Variants in ZNF177 observed in about 807,000 individuals in gnomAD.
ZNF177 encodes zinc finger protein 177.
Under a neutral mutation model 19.4 loss-of-function variants are expected in ZNF177, and 17 were observed. The observed-to-expected ratio is 0.87, with a 90% CI of 0.60 to 1.31. The LOEUF is 1.31. Among genes scored for constraint, ZNF177 ranks in the 40% most tolerant of loss-of-function variants. The pLI, the probability that ZNF177 is intolerant of heterozygous loss-of-function variation, is 0.00. For synonymous variants in ZNF177, 220 were observed against 188.7 expected, an observed-to-expected ratio of 1.17 and a Z score of -1.36; for missense variants, 633 against 561.8, an observed-to-expected ratio of 1.13 and a Z score of -1.28.
upstream of ZNF177, chr19:9,371,786 A>C (rs1271926987): frequency 1.3e-5 from 2 of 152,198 alleles, no homozygotes; most frequent in Non-Finnish European, 2.9e-5. Flanking sequence ...GAAAATTGCT[A>C]GGTTTTCATC....
At chr19:9,366,439 G>A (rs1376110315) in intron 2 of ZNF177, among the ~76,000 whole-genome samples, 1 of 151,956 alleles carries the variant, frequency 6.6e-6, no homozygotes, top group African/African-American at 2.4e-5. Flanking sequence ...TAAATTTTTG[G>A]TAGAGATGAG....
At chr19:9,379,740 A>G (rs746847773) in intron 4 of ZNF177, 121 bp downstream of exon 6, 96 of 1,203,874 alleles carry the variant, frequency 8.0e-5, no homozygotes, top group Non-Finnish European at 1.1e-4. Context: ...CTGTTTCACC[A>G]TCTATTCAAT....
chr19:9,378,208 G>A, intron 1 of ZNF177, 51 bp from the exon 4 acceptor site: 9 of 1,516,058 alleles, frequency 5.9e-6, no homozygotes, highest in Non-Finnish European at 8.0e-6. Flanking sequence ...GCCTGCTAGT[G>A]TTGAACATCT....
chr19:9,377,086 G>C (rs1402829500), intron 1 of ZNF177, among the ~76,000 whole-genome samples: 3 of 152,056 alleles, frequency 2.0e-5, no homozygotes, highest in African/African-American at 7.2e-5. Flanking sequence ...AAGACATTTT[G>C]GTCAGTGATG....
intron 1 of ZNF177, 40 bp downstream of exon 1, chr19:9,363,124 G>T: frequency 6.6e-6 from 1 of 152,572 alleles, no homozygotes; most frequent in Non-Finnish European, 1.5e-5. Context: ...CGGGAGGGAA[G>T]GGGTCAAGGG....
At chr19:9,366,501 C>T (rs2067981842) in intron 2 of ZNF177, among the ~76,000 whole-genome samples, 1 of 152,080 alleles carries the variant, frequency 6.6e-6, no homozygotes, top group African/African-American at 2.4e-5. Context: ...TGTGATCCAC[C>T]CACTACAGCC....
At chr19:9,379,170 A>T in intron 3 of ZNF177, 82 bp downstream of exon 5, 1 of 1,489,672 alleles carries the variant, frequency 6.7e-7, no homozygotes, top group South Asian at 1.4e-5. Context: ...CTGTGGAAAG[A>T]ATAGCAATAC....
At chr19:9,376,127 G>A (rs2068106561), upstream of ZNF177, among the ~76,000 whole-genome samples, 1 of 152,014 alleles carries the variant, frequency 6.6e-6, no homozygotes, top group South Asian at 2.1e-4. Context: ...TTTGACTAGA[G>A]AACTTAATCC....
In ZNF177 at chr19:9,381,129, T is replaced by G. The variant is rs377062558; in HGVS notation, c.798T>G (p.Thr266=). Residue 266 remains threonine (T), a synonymous_variant, in exon 6 of 6, where the codon ACT becomes ACG. Coordinates refer to ENST00000589262, the Ensembl canonical transcript of ZNF177. ...GTAATGAACATGAGAAAACTTTCAC[T>G]GACCCTTTGTCCCTTCAGAACTGTG... 3.1e-6 allele frequency: 5 copies of G among 1,614,088 alleles called. No individual in the cohort carries two copies. In the East Asian group the frequency reaches 1.1e-4, roughly 36 times the overall value.
upstream of ZNF177, among the ~76,000 whole-genome samples, chr19:9,371,984 C>T (rs1053140256): frequency 1.3e-5 from 2 of 151,996 alleles, no homozygotes; most frequent in African/African-American, 4.8e-5. Context: ...GGGTAATATC[C>T]AAAGTGTTAT....
In ZNF177 at chr19:9,381,366, T is replaced by TG. The variant is rs752021555; in HGVS notation, c.1038dup (p.Lys347GlufsTer23). The stretch of plus-strand genomic sequence containing the variant: ...AGAAACCCTATGACTGTAAGGAATG[T>TG]GGGAAGGCTTTCACTGTTCCTTCAT... On this transcript the variant is annotated frameshift_variant, in exon 6 of 6. Coordinates refer to ENST00000589262, the Ensembl canonical transcript of ZNF177. LOFTEE classifies it low-confidence loss of function (END_TRUNC). 3 of 1,614,002 alleles carry TG rather than the reference T, an allele frequency of 1.9e-6. No homozygotes were observed. The highest frequency in any genetic ancestry group is 2.5e-6 in the Non-Finnish European group (3 of 1,179,982).
At position 9,378,958 on chromosome 19, in the gene ZNF177, T is replaced by C; in HGVS notation, c.34-4T>C. ...TGAGCCAGAATATGTATGTGATGTT[T>C]TAGAACTCAGTAACCTTCCAGGAAG... On this transcript the variant is annotated splice_region_variant and splice_polypyrimidine_tract_variant and intron_variant, in intron 2 of 5. Transcript: ENST00000589262. 6.2e-7 allele frequency: 1 copy of C among 1,604,454 alleles called. No individual in the cohort carries two copies. The highest frequency in any genetic ancestry group is 8.5e-7 in the Non-Finnish European group (1 of 1,173,842).
chr19:9,373,941 T>C (rs558865448), upstream of ZNF177, among the ~76,000 whole-genome samples: 1 of 152,284 alleles, frequency 6.6e-6, no homozygotes, highest in South Asian at 2.1e-4. Flanking sequence ...TTTTTGCCTT[T>C]CTTGCCTGTG....
chr19:9,374,668 AGTTT>A (rs1192309336), upstream of ZNF177, among the ~76,000 whole-genome samples: 4 of 150,278 alleles, frequency 2.7e-5, no homozygotes, highest in Admixed American at 1.3e-4. Context: ...TTTTTTAGAT[AGTTT>A]GTTAGAAATA....
intron 2 of ZNF177, among the ~76,000 whole-genome samples, chr19:9,367,365 G>A (rs528524992): frequency 2.4e-4 from 37 of 152,180 alleles, no homozygotes; most frequent in Non-Finnish European, 4.3e-4. Context: ...AATTCAGCCC[G>A]AAAGTTTTCA....
At position 9,380,805 on chromosome 19, in the gene ZNF177, C is replaced by T. The variant is rs569820435; in HGVS notation, c.474C>T (p.Asn158=). 9.1e-6 allele frequency: 14 copies of T among 1,536,082 alleles called. No homozygotes were observed. The Admixed American group carries it at 2.5e-4, about 28-fold the overall frequency. Reference sequence around the variant, plus strand: ...ATATAAAGTATAGCAAAGTCTTCAACCATCCCTCAACTCTTAGGAGTCATG... The same window carrying T: ...ATATAAAGTATAGCAAAGTCTTCAATCATCCCTCAACTCTTAGGAGTCATG... The change falls in exon 6 of 6, where the codon AAC becomes AAT. Residue 158 remains asparagine, a synonymous_variant. Transcript: ENST00000589262.
upstream of ZNF177, among the ~76,000 whole-genome samples, chr19:9,372,855 T>G (rs1341772025): frequency 1.3e-5 from 2 of 152,094 alleles, no homozygotes; most frequent in Non-Finnish European, 2.9e-5. Context: ...CCAGTTTTGT[T>G]TTTCTGAAGC....
chr19:9,363,858 T>C lies in ZNF177; in HGVS notation c.-392+774T>C, dbSNP rs543370397. Among the ~76,000 whole-genome samples the C allele has an allele frequency of 7.9e-5, 12 of 152,332 alleles. 1 individual carries two copies. The highest frequency in any genetic ancestry group is 2.6e-4 in the African/African-American group (11 of 41,582). On this transcript the variant is annotated intron_variant, in intron 1 of 8. Transcript: ENST00000343499. ...TGCCCTACAAATTTACTGCCCTGCCTACGACCTCCGAAACATTAGAAGGAG... is the reference window on the plus strand; with the variant it reads ...TGCCCTACAAATTTACTGCCCTGCCCACGACCTCCGAAACATTAGAAGGAG...
intron 4 of ZNF177, 78 bp from the exon 7 acceptor site, chr19:9,379,974 ACAAAT>A: frequency 6.8e-7 from 1 of 1,479,288 alleles, no homozygotes. Context: ...TTATTTGAAA[ACAAAT>A]CCATAGGGTC....
Sources: gnomAD v4.1 joint callset for allele counts (sites outside exome capture counted in the v4.1 genomes callset) on GRCh38, gnomAD v4.1.1 for gene constraint, MANE v1.5 for transcripts, NCBI Gene and HGNC (gene_info 2026-07-23, HGNC 2026-07-21) for gene names.